CLDN11: variants seen among roughly 807,000 people sequenced by gnomAD.
The protein encoded by CLDN11 is claudin 11.
CLDN11 carries 1 observed loss-of-function variant against 18.0 expected under a neutral mutation model. The observed-to-expected ratio is 0.06, with a 90% CI of 0.02 to 0.26. CLDN11 has a LOEUF of 0.26. Among genes scored for constraint, CLDN11 ranks in the 10% least tolerant of loss-of-function variants. The pLI is 1.00. For synonymous variants in CLDN11, 116 were observed against 121.5 expected, an observed-to-expected ratio of 0.96 and a Z score of 0.30; for missense variants, 172 against 276.6, an observed-to-expected ratio of 0.62 and a Z score of 2.68.
intron 1 of CLDN11, chr3:170,421,452 T>G (rs1738723294): frequency 1.1e-5 from 2 of 184,152 alleles, no homozygotes; most frequent in Non-Finnish European, 2.1e-5. Context: ...CTTGACTGAT[T>G]ATCTTTAATT....
At chr3:170,420,422 C>G (rs1439250282) in intron 1 of CLDN11, among the ~76,000 whole-genome samples, 1 of 152,226 alleles carries the variant, frequency 6.6e-6, no homozygotes, top group Non-Finnish European at 1.5e-5. Context: ...GTGCTCGCCC[C>G]TTAAGCCTCC....
rs534460944 is a variant in CLDN11 at position 170,430,719 on chromosome 3, A to AT, written c.392-1798dup. Among the ~76,000 whole-genome samples the AT allele has an allele frequency of 1.5e-3, 231 of 151,030 alleles. 3 individuals carry two copies. Among genetic ancestry groups the AT allele is most frequent in the Non-Finnish European group, 2.4e-3 (162 of 67,528 alleles). On this transcript the variant is annotated intron_variant, in intron 2 of 2. Coordinates refer to ENST00000064724, the MANE Select transcript of CLDN11 (RefSeq NM_005602.6). Reference sequence around the variant, plus strand: ...CCATCCATGCCTGGCTAATTTTTGTATTTTTTTGTAGAGATGGGGTTTTGC... The same window carrying AT: ...CCATCCATGCCTGGCTAATTTTTGTATTTTTTTTGTAGAGATGGGGTTTTGC...
chr3:170,423,449 G>C, intron 2 of CLDN11, 122 bp downstream of exon 2: 1 of 1,017,246 alleles, frequency 9.8e-7, no homozygotes, highest in Non-Finnish European at 1.5e-6. Context: ...AGCCAGTGGG[G>C]GATGGACTCC....
chr3:170,421,152 T>TGGGGGGG (rs71176567), intron 1 of CLDN11: 1 of 154,942 alleles, frequency 6.5e-6, no homozygotes, highest in Non-Finnish European at 1.0e-5. Context: ...ACTCTGGGGG[T>TGGGGGGG]GGGGGGGGGG....
At chr3:170,421,412 C>T (rs1442248629) in intron 1 of CLDN11, 1 of 353,958 alleles carries the variant, frequency 2.8e-6, no homozygotes, top group African/African-American at 2.2e-5. Flanking sequence ...TCCTGGAGCT[C>T]CTTTCTGGAG....
chr3:170,426,511 G>GCTGGAGTCAGC (rs1328669119), intron 2 of CLDN11, among the ~76,000 whole-genome samples: 2 of 152,218 alleles, frequency 1.3e-5, no homozygotes, highest in African/African-American at 4.8e-5. Context: ...AGATCCAACT[G>GCTGGAGTCAGC]TGCTGAATCT....
In CLDN11 at chr3:170,433,720, A is replaced by T. The variant is rs184479005; in HGVS notation, c.*964A>T. 6.5e-6 allele frequency: 1 copy of T among 152,716 alleles called. No homozygotes were observed. The highest frequency in any genetic ancestry group is 1.9e-4 in the East Asian group (1 of 5,192). The allele number at this position is 152,716 out of a possible 1,614,324, so 9.5% of individuals were successfully genotyped here. On this transcript the variant is annotated 3_prime_UTR_variant, in exon 3 of 3. Transcript: ENST00000064724. ...TTTTTATAACCATGGTTTTCCTGAA[A>T]TCCTCAATTCATCAATATGAAGGAA...
intron 2 of CLDN11, among the ~76,000 whole-genome samples, chr3:170,427,917 A>G (rs779105419): frequency 6.6e-6 from 1 of 151,750 alleles, no homozygotes; most frequent in Non-Finnish European, 1.5e-5. Flanking sequence ...AGCACTTTGG[A>G]AGGCAGACGC....
At chr3:170,421,500 C>A (rs1021292361) in intron 1 of CLDN11, among the ~76,000 whole-genome samples, 5 of 152,284 alleles carry the variant, frequency 3.3e-5, no homozygotes, top group Non-Finnish European at 7.4e-5. Context: ...GAAGAGGGCC[C>A]TTGTGAAGTC....
At chr3:170,423,440 G>A (rs1224206754) in intron 2 of CLDN11, 113 bp downstream of exon 2, 1 of 1,166,496 alleles carries the variant, frequency 8.6e-7, no homozygotes, top group South Asian at 1.4e-5. Flanking sequence ...GCCAAGTGAA[G>A]CCAGTGGGGG....
In CLDN11 at chr3:170,433,248, C is replaced by T. The variant is rs1389058776; in HGVS notation, c.*492C>T. 6.7e-6 allele frequency: 1 copy of T among 149,306 alleles called. No individual in the cohort carries two copies. The highest frequency in any genetic ancestry group is 2.5e-5 in the African/African-American group (1 of 40,108). The allele number at this position is 149,306 out of a possible 1,614,324, so 9.2% of individuals were successfully genotyped here. A position where few individuals can be genotyped will look rare whatever the true frequency, so the allele number is the denominator to read the frequency against. On this transcript the variant is annotated 3_prime_UTR_variant, in exon 3 of 3. Coordinates refer to ENST00000064724, the MANE Select transcript of CLDN11 (RefSeq NM_005602.6). Reference sequence around the variant, plus strand: ...CTCAACCTCCCCGGCTCAAGTGATCCTCCTGCCTCAGCCTCCCAAGTAGCT... The same window carrying T: ...CTCAACCTCCCCGGCTCAAGTGATCTTCCTGCCTCAGCCTCCCAAGTAGCT...
rs765803426 is a variant in CLDN11 at position 170,423,122 on chromosome 3, C to A, written c.227-41C>A. On this transcript the variant is annotated intron_variant, in intron 1 of 2. Transcript: ENST00000064724. ...AGGCAGGGCTCAGGAAGCAAGAGAA[C>A]CCTGTGGTCTAACCTTTCCCATCTG... The A allele has an allele frequency of 3.1e-6, 5 of 1,611,024 alleles. No homozygotes were observed. In the East Asian group the frequency reaches 1.1e-4, roughly 36 times the overall value.
At position 170,419,930 on chromosome 3, in the gene CLDN11, AC is replaced by A. The variant is rs1321068712; in HGVS notation, c.226+643del. On this transcript the variant is annotated intron_variant, in intron 1 of 2. Coordinates refer to ENST00000064724, the MANE Select transcript of CLDN11 (RefSeq NM_005602.6). The surrounding 1 kb of genome is among the most constrained non-coding windows in gnomAD (Gnocchi z 8.6). Reference sequence around the variant, plus strand: ...CAGGGCCATCTCCGCTGCCCCCGCTACCCCCGCCCCTGCTGTGGGCGCGTCA... The same window carrying A: ...CAGGGCCATCTCCGCTGCCCCCGCTACCCCGCCCCTGCTGTGGGCGCGTCA... Among the ~76,000 whole-genome samples, 2 of 151,588 alleles carry A rather than the reference AC, an allele frequency of 1.3e-5. No individual in the cohort carries two copies. The highest frequency in any genetic ancestry group is 4.8e-5 in the African/African-American group (2 of 41,248).
rs533119827 is a variant in CLDN11 at position 170,432,496 on chromosome 3, C to T, written c.392-28C>T. ...GTGCTTGGTGTGTGATGGTTGCGCC[C>T]AGTCACCGCCTCTCCATGTCTCTCC... On this transcript the variant is annotated intron_variant, in intron 2 of 2. Transcript: ENST00000064724. 4.3e-6 allele frequency: 7 copies of T among 1,609,268 alleles called. No individual in the cohort carries two copies. The East Asian group carries it at 1.3e-4, about 31-fold the overall frequency.
At chr3:170,422,388 G>GCTCAGGAAGCAAGAGAACCCTGTGGTC (rs1560233609) in intron 1 of CLDN11, among the ~76,000 whole-genome samples, 1 of 152,082 alleles carries the variant, frequency 6.6e-6, no homozygotes, top group African/African-American at 2.4e-5. Context: ...AGAGATGTAG[G>GCTCAGGAAGCAAGAGAACCCTGTGGTC]TACTATTATA....
intron 1 of CLDN11, chr3:170,421,480 G>C (rs762092064): frequency 7.3e-5 from 12 of 163,878 alleles, no homozygotes; most frequent in Non-Finnish European, 1.4e-4. Context: ...AGCTGAGATG[G>C]GCAGTGCTGG....
intron 2 of CLDN11, among the ~76,000 whole-genome samples, chr3:170,430,383 C>T (rs574320702): frequency 1.9e-4 from 29 of 152,298 alleles, no homozygotes; most frequent in Non-Finnish European, 4.4e-5. Context: ...GGAGGTTTCA[C>T]GTACACACTG....
Position 170,434,494 on chromosome 3 carries a change from A to C in CLDN11, c.*1738A>C, listed in dbSNP as rs1283980421. 6.6e-6 allele frequency among the ~76,000 whole-genome samples: 1 copy of C among 152,258 alleles called. No homozygotes were observed. The highest frequency in any genetic ancestry group is 1.5e-5 in the Non-Finnish European group (1 of 68,044). Reference sequence around the variant, plus strand: ...CTATTTTATTGGATCTTTAAGTAATAATATCTAAATACATTTCGTTCAAAC... The same window carrying C: ...CTATTTTATTGGATCTTTAAGTAATCATATCTAAATACATTTCGTTCAAAC... On this transcript the variant is annotated 3_prime_UTR_variant, in exon 3 of 3. Transcript: ENST00000064724.
At position 170,423,164 on chromosome 3, in the gene CLDN11, C is replaced by A. The variant is rs752857819; in HGVS notation, c.228C>A (p.Gly76=). Residue 76 remains glycine, a splice_region_variant and synonymous_variant, in exon 2 of 3, where the codon GGC becomes GGA. Coordinates refer to ENST00000064724, the MANE Select transcript of CLDN11 (RefSeq NM_005602.6). ...TCCCATCTGCTCTCTTGTTCCCAGG[C>A]TACGTGCAGGCCTGCCGCGCCCTGA... is the stretch of plus-strand genomic sequence containing the variant. ...KPLVDILILP[G]YVQACRALMI... is the part of the protein sequence containing the mutation. The A allele has an allele frequency of 1.9e-6, 3 of 1,614,106 alleles. No homozygotes were observed. The highest frequency in any genetic ancestry group is 2.2e-5 in the East Asian group (1 of 44,902).
Sources: gnomAD v4.1 joint callset for allele counts (sites outside exome capture counted in the v4.1 genomes callset) on GRCh38, gnomAD v4.1.1 for gene constraint, Gnocchi (gnomAD v3.1) non-coding constraint, MANE v1.5 for transcripts, NCBI Gene and HGNC (gene_info 2026-07-23, HGNC 2026-07-21) for gene names.